The following CDH12 variants were observed in gnomAD, a reference collection of about 807,000 sequenced individuals.
CDH12 encodes cadherin-12.
CDH12 carries 41 observed loss-of-function variants against 74.1 expected under a neutral mutation model. The observed-to-expected ratio is 0.55, with a 90% CI of 0.43 to 0.72. The LOEUF (loss-of-function observed/expected upper bound fraction) is 0.72, where lower values mean the gene tolerates loss of function less well. CDH12 is among the 30% of genes least tolerant of loss of function. The pLI is 0.00. For missense variants in CDH12, 945 were observed against 977.2 expected, an observed-to-expected ratio of 0.97 and a Z score of 0.44; for synonymous variants, 399 against 355.0, an observed-to-expected ratio of 1.12 and a Z score of -1.39.
chr5:22,194,443 T>C (rs1197683931), intron 4 of CDH12, among the ~76,000 whole-genome samples: 5 of 151,906 alleles, frequency 3.3e-5, no homozygotes, highest in Non-Finnish European at 7.4e-5. Context: ...GCGATTCTCC[T>C]GCCTCAGCCT....
At position 22,529,196 on chromosome 5, in the gene CDH12, G is replaced by C. The variant is rs879573781; in HGVS notation, c.-522-23832C>G. ...ATATATATATATATATATAGAGAGAGAGAGAGAGAGAGAGAGAGAGAGAGA... is the reference window on the plus strand; with the variant it reads ...ATATATATATATATATATAGAGAGACAGAGAGAGAGAGAGAGAGAGAGAGA... On this transcript the variant is annotated intron_variant, in intron 1 of 14. Coordinates refer to ENST00000382254, the MANE Select transcript of CDH12 (RefSeq NM_004061.5). 3.3e-5 allele frequency among the ~76,000 whole-genome samples: 3 copies of C among 91,710 alleles called. 1 individual carries two copies. Among genetic ancestry groups the C allele is most frequent in the African/African-American group, 4.0e-5 (1 of 24,992 alleles). The allele number at this position is 91,710 out of a possible 152,430, so 60.2% of individuals were successfully genotyped here.
At chr5:22,750,483 T>C (rs1463633999) in intron 1 of CDH12, among the ~76,000 whole-genome samples, 1 of 152,058 alleles carries the variant, frequency 6.6e-6, no homozygotes, top group African/African-American at 2.4e-5. Context: ...AATAATATTA[T>C]CATTATGGTA....
chr5:22,367,737 T>C (rs1741093852), intron 3 of CDH12, among the ~76,000 whole-genome samples: 1 of 152,204 alleles, frequency 6.6e-6, no homozygotes, highest in African/African-American at 2.4e-5. Flanking sequence ...ATAGTAGAGA[T>C]AACACCTTTG....
intron 5 of CDH12, among the ~76,000 whole-genome samples, chr5:22,025,411 T>C (rs1402458880): frequency 4.6e-5 from 7 of 152,138 alleles, no homozygotes; most frequent in Admixed American, 4.6e-4. Context: ...AAGAGTACAA[T>C]AGCATTATAT....
chr5:22,027,500 T>C (rs997882630), intron 5 of CDH12, among the ~76,000 whole-genome samples: 9 of 152,196 alleles, frequency 5.9e-5, no homozygotes, highest in Non-Finnish European at 2.9e-5. Context: ...GAGCCTGTTA[T>C]TGGTGTATTC....
At chr5:22,507,037 G>T (rs190433451) in intron 1 of CDH12, among the ~76,000 whole-genome samples, 62 of 152,166 alleles carry the variant, frequency 4.1e-4, no homozygotes, top group African/African-American at 1.4e-3. Flanking sequence ...TGTTTATGAT[G>T]CCTGATTCTG....
chr5:22,653,612 C>T (rs1172928222), intron 1 of CDH12, among the ~76,000 whole-genome samples: 1 of 152,078 alleles, frequency 6.6e-6, no homozygotes, highest in African/African-American at 2.4e-5. Context: ...GTCATCTCAC[C>T]CCTGGGGTAC....
chr5:22,847,024 C>T (rs866273758), intron 1 of CDH12, among the ~76,000 whole-genome samples: 2 of 152,134 alleles, frequency 1.3e-5, no homozygotes, highest in South Asian at 2.1e-4. Flanking sequence ...ATTGACACGA[C>T]TACAATTCAT....
At chr5:22,681,231 G>GTGTT (rs1454206002) in intron 1 of CDH12, among the ~76,000 whole-genome samples, 1 of 138,996 alleles carries the variant, frequency 7.2e-6, no homozygotes, top group African/African-American at 2.6e-5. Context: ...ATTGGGGGGT[G>GTGTT]TGTGTGTGTG....
intron 6 of CDH12, among the ~76,000 whole-genome samples, chr5:21,945,107 C>A (rs1755510655): frequency 6.6e-6 from 1 of 151,534 alleles, no homozygotes; most frequent in East Asian, 2.1e-4. Context: ...AAGAGAAAGA[C>A]AACAGACACC....
intron 3 of CDH12, among the ~76,000 whole-genome samples, chr5:22,251,301 G>A (rs759855591): frequency 3.3e-5 from 5 of 152,206 alleles, no homozygotes; most frequent in Non-Finnish European, 7.3e-5. Flanking sequence ...TGATGGACAG[G>A]TGGTAAGGCC....
intron 6 of CDH12, among the ~76,000 whole-genome samples, chr5:21,948,893 A>G (rs971486929): frequency 1.3e-5 from 2 of 151,812 alleles, no homozygotes; most frequent in African/African-American, 2.4e-5. Context: ...GGTTTTGTTA[A>G]GTGTTTCACA....
rs144426084 is a variant in CDH12, at chr5:22,548,676, C to T, written c.-522-43312G>A. Among the ~76,000 whole-genome samples, 29 of 152,046 alleles carry T rather than the reference C, an allele frequency of 1.9e-4. No homozygotes were observed. The East Asian group carries it at 4.5e-3, about 23-fold the overall frequency. ...CTTGTGTGTATCTCTATAACATATC[C>T]GACCCACCTATGGGATAGGCCATCC... On this transcript the variant is annotated intron_variant, in intron 1 of 14. Transcript: ENST00000382254.
At chr5:22,371,249 T>G (rs904271001) in intron 3 of CDH12, among the ~76,000 whole-genome samples, 1 of 152,168 alleles carries the variant, frequency 6.6e-6, no homozygotes, top group Non-Finnish European at 1.5e-5. Context: ...AGACATGTTA[T>G]GAAAATAGTT....
At chr5:22,752,964 G>A (rs550999021) in intron 1 of CDH12, among the ~76,000 whole-genome samples, 1 of 151,996 alleles carries the variant, frequency 6.6e-6, no homozygotes, top group African/African-American at 2.4e-5. Context: ...GGTTTTGAAC[G>A]GTGTTAAATG....
chr5:22,589,207 T>C (rs1740558125), intron 1 of CDH12, among the ~76,000 whole-genome samples: 1 of 152,098 alleles, frequency 6.6e-6, no homozygotes, highest in South Asian at 2.1e-4. Context: ...ATTCCTACAA[T>C]GTGCATGAGA....
At chr5:22,143,860 T>C (rs1259619208) in intron 4 of CDH12, 1 of 152,326 alleles carries the variant, frequency 6.6e-6, no homozygotes, top group Non-Finnish European at 1.5e-5. Context: ...CATATACTTC[T>C]GTTTGTAAAA....
In CDH12 at chr5:21,842,183, G is replaced by C; in HGVS notation, c.792C>G (p.Asp264Glu). ...TACTTTTGGGGAATCGAGGTGGATT[G>C]TCATTGACATCGGTGAGAGTGATGT... ...IVNITLTDVN[D>E]NPPRFPKSIF... The change falls in exon 8 of 15, where the codon GAC becomes GAG. Residue 264 changes from aspartate to glutamate, a missense_variant. By Grantham distance (45) the Asp-to-Glu change is conservative (BLOSUM62 2). This residue lies in a region of CDH12 where 791 missense variants were observed against 792.8 expected (regional missense o/e 1.00). Coordinates refer to ENST00000382254, the MANE Select transcript of CDH12 (RefSeq NM_004061.5). 1 of 1,611,560 alleles carries C rather than the reference G, an allele frequency of 6.2e-7. No homozygotes were observed. The highest frequency in any genetic ancestry group is 8.5e-7 in the Non-Finnish European group (1 of 1,179,074).
intron 4 of CDH12, among the ~76,000 whole-genome samples, chr5:22,140,848 C>A (rs968714123): frequency 1.2e-4 from 19 of 152,140 alleles, no homozygotes; most frequent in Admixed American, 5.2e-4. Flanking sequence ...ACAGACTACA[C>A]CGTCTGCTTC....
Sources: gnomAD v4.1 joint callset for allele counts (sites outside exome capture counted in the v4.1 genomes callset) on GRCh38, gnomAD v4.1.1 for gene constraint, gnomAD v4.1.1 regional missense constraint, MANE v1.5 for transcripts, NCBI Gene and HGNC (gene_info 2026-07-23, HGNC 2026-07-21) for gene names.